Variants in STK3 observed in about 807,000 individuals in gnomAD.
The protein encoded by STK3 is serine/threonine kinase 3, also known as serine/threonine-protein kinase 3.
Under a neutral mutation model 58.0 loss-of-function variants are expected in STK3, and 41 were observed. That is an observed-to-expected ratio of 0.71 (90% CI 0.55 to 0.92). The LOEUF (loss-of-function observed/expected upper bound fraction) is 0.92, where lower values mean the gene tolerates loss of function less well. Among genes scored for constraint, STK3 ranks in the 40% least tolerant of loss-of-function variants. The pLI, the probability that STK3 is intolerant of heterozygous loss-of-function variation, is 0.00. For missense variants in STK3, 479 were observed against 602.7 expected (o/e 0.79, Z 2.15); for synonymous variants, 170 against 191.0 (o/e 0.89, Z 0.91).
intron 3 of STK3, among the ~76,000 whole-genome samples, chr8:98,845,774 TA>T (rs1836178343): frequency 6.6e-6 from 1 of 152,246 alleles, no homozygotes; most frequent in South Asian, 2.1e-4. Flanking sequence ...AGCAGAGAGA[TA>T]CTTACTAAAG....
At chr8:98,889,857 C>T (rs1838131610) in intron 1 of STK3, 1 of 152,216 alleles carries the variant, frequency 6.6e-6, no homozygotes, top group South Asian at 2.1e-4. Context: ...CTGGATTACA[C>T]TTTAAGAACT....
intron 10 of STK3, among the ~76,000 whole-genome samples, chr8:98,467,615 AAG>A (rs1474911406): frequency 5.3e-5 from 8 of 151,840 alleles, no homozygotes; most frequent in Non-Finnish European, 1.0e-4. Flanking sequence ...GTAAAGCAAA[AAG>A]AGTATCTGTG....
chr8:98,856,155 CAAAA>C (rs60632558), intron 3 of STK3, among the ~76,000 whole-genome samples: 1 of 54,046 alleles, frequency 1.9e-5, no homozygotes. Context: ...GACTCCATCT[CAAAA>C]AAAAAAAAAA....
intron 10 of STK3, among the ~76,000 whole-genome samples, chr8:98,495,850 CAAT>C (rs796370390): frequency 1.3e-5 from 2 of 152,204 alleles, no homozygotes; most frequent in African/African-American, 4.8e-5. Context: ...TCATACTACA[CAAT>C]AATTTTTAAA....
intron 10 of STK3, among the ~76,000 whole-genome samples, chr8:98,475,820 A>C (rs1586654057): frequency 6.6e-6 from 1 of 152,338 alleles, no homozygotes; most frequent in East Asian, 1.9e-4. Context: ...CAGACGCGAA[A>C]CAAATTATGC....
At chr8:98,745,490 G>A (rs757910791) in intron 4 of STK3, among the ~76,000 whole-genome samples, 14 of 151,996 alleles carry the variant, frequency 9.2e-5, no homozygotes, top group Admixed American at 4.6e-4. Context: ...AAAATGTCTG[G>A]AGAAAATACA....
rs536463196 is a variant in STK3 at position 98,654,724 on chromosome 8, C to G, written c.684+51743G>C. 2.2e-4 allele frequency among the ~76,000 whole-genome samples: 33 copies of G among 152,192 alleles called. 1 individual carries two copies. The highest frequency in any genetic ancestry group is 8.0e-4 in the African/African-American group (33 of 41,502). On this transcript the variant is annotated intron_variant, in intron 6 of 10. Transcript: ENST00000419617. The stretch of plus-strand genomic sequence containing the variant: ...CAGAGAGCCAAATCATGAGTGAACT[C>G]CCATTCACAATTGCTTCAAAGAGAA...
intron 7 of STK3, among the ~76,000 whole-genome samples, chr8:98,580,368 C>T (rs2131730603): frequency 6.6e-6 from 1 of 152,238 alleles, no homozygotes; most frequent in South Asian, 2.1e-4. Context: ...AAATATCACC[C>T]TGATCTAGCT....
intron 2 of STK3, among the ~76,000 whole-genome samples, chr8:98,770,981 G>A (rs1303348400): frequency 6.7e-6 from 1 of 149,522 alleles, no homozygotes; most frequent in Non-Finnish European, 1.5e-5. Context: ...ATAAAACAGT[G>A]TTTAATACAG....
chr8:98,779,355 T>C (rs547202907), intron 1 of STK3, among the ~76,000 whole-genome samples: 10 of 152,364 alleles, frequency 6.6e-5, no homozygotes, highest in African/African-American at 1.9e-4. Flanking sequence ...TAAGTACTTA[T>C]GCATGAGCAA....
intron 10 of STK3, among the ~76,000 whole-genome samples, chr8:98,497,808 G>T (rs910329934): frequency 6.6e-6 from 1 of 152,166 alleles, no homozygotes; most frequent in South Asian, 2.1e-4. Context: ...GTGTTGCGAG[G>T]ATGTAGAGAA....
the STK3 span, among the ~76,000 whole-genome samples, chr8:98,364,142 G>A: frequency 2.8e-4 from 43 of 152,280 alleles, no homozygotes; most frequent in East Asian, 6.6e-3. Flanking sequence ...AGACAGCCTG[G>A]AGCCTGGGTA....
Position 98,526,808 on chromosome 8 carries a change from G to T in STK3, c.1251C>A (p.Pro417=), listed in dbSNP as rs1054557469. 3.5e-5 allele frequency: 56 copies of T among 1,591,286 alleles called. No individual in the cohort carries two copies. Among genetic ancestry groups the T allele is most frequent in the Non-Finnish European group, 4.5e-5 (53 of 1,166,464 alleles). The change falls in exon 10 of 11, where the codon CCC becomes CCA. Residue 417 remains proline (P), a synonymous_variant. Transcript: ENST00000419617. ...GAAAAACGTTTTTGGACATAGGGAA[G>T]GGTTCATGCATGTTCTGATTACAGT... The part of the protein sequence containing the change: ...HENCNQNMHE[P]FPMSKNVFPD...
At chr8:98,631,336 A>T (rs942969807) in intron 6 of STK3, among the ~76,000 whole-genome samples, 1 of 152,140 alleles carries the variant, frequency 6.6e-6, no homozygotes, top group Non-Finnish European at 1.5e-5. Flanking sequence ...GCTCTAAGTG[A>T]TCTGGTTCCC....
At chr8:98,776,169 C>G (rs1377634478) in intron 1 of STK3, among the ~76,000 whole-genome samples, 2 of 151,906 alleles carry the variant, frequency 1.3e-5, no homozygotes, top group East Asian at 1.9e-4. Flanking sequence ...ATAAGAATGC[C>G]ATGGACAGAG....
intron 3 of STK3, among the ~76,000 whole-genome samples, chr8:98,834,026 C>G (rs1835652199): frequency 6.6e-6 from 1 of 152,080 alleles, no homozygotes. Flanking sequence ...AATTATCAAG[C>G]CCATTGAGAC....
intron 1 of STK3, among the ~76,000 whole-genome samples, chr8:98,804,600 T>C (rs570372364): frequency 1.3e-5 from 2 of 152,318 alleles, no homozygotes; most frequent in South Asian, 4.1e-4. Context: ...TTCCCAAGAA[T>C]TTCTTATCTT....
chr8:98,869,342 G>A (rs1327796480), intron 3 of STK3, among the ~76,000 whole-genome samples: 1 of 152,108 alleles, frequency 6.6e-6, no homozygotes, highest in Non-Finnish European at 1.5e-5. Flanking sequence ...AATCGCTTGA[G>A]CCCGGGAGGC....
At chr8:98,774,240 TTC>T (rs1368629935) in intron 2 of STK3, among the ~76,000 whole-genome samples, 1 of 152,216 alleles carries the variant, frequency 6.6e-6, no homozygotes, top group African/African-American at 2.4e-5. Context: ...CTCCCTACCT[TTC>T]TCTCTGCTCA....
Sources: gnomAD v4.1 joint callset for allele counts (sites outside exome capture counted in the v4.1 genomes callset) on GRCh38, gnomAD v4.1.1 for gene constraint, MANE v1.5 for transcripts, NCBI Gene and HGNC (gene_info 2026-07-23, HGNC 2026-07-21) for gene names.